Variants in STRC observed in about 807,000 individuals in gnomAD.
STRC encodes stereocilin.
Under a neutral mutation model 103.5 loss-of-function variants are expected in STRC, and 43 were observed. The ratio of observed to expected loss-of-function variants is 0.42; its 90% confidence interval spans 0.33 to 0.54. The LOEUF (loss-of-function observed/expected upper bound fraction) is 0.54. STRC is among the 20% of genes least tolerant of loss of function. The pLI is 0.14. For synonymous variants in STRC, 186 were observed against 442.3 expected (o/e 0.42, Z 7.27); for missense variants, 499 against 1,088.5 (o/e 0.46, Z 7.62).
At chr15:43,604,573 C>A in intron 20 of STRC, 77 bp downstream of exon 20, 2 of 1,612,062 alleles carry the variant, frequency 1.2e-6, no homozygotes, top group South Asian at 2.2e-5. Context: ...GAATATGGAA[C>A]AGGCTGCCAC....
At position 43,601,923 on chromosome 15, in the gene STRC, C is replaced by T. The variant is rs552629533; in HGVS notation, c.4546-372G>A. 4.0e-5 allele frequency among the ~76,000 whole-genome samples: 6 copies of T among 151,520 alleles called. No individual in the cohort carries two copies. In the East Asian group the frequency reaches 9.8e-4, roughly 25 times the overall value. On this transcript the variant is annotated intron_variant, in intron 23 of 28. Transcript: ENST00000450892. The stretch of plus-strand genomic sequence containing the variant: ...TTGCTTGAGCCCAGAAGTTCGAGAC[C>T]ATCCTGGGCAACATAGTGAAACCCC...
chr15:43,603,646 A>C, intron 22 of STRC: 1 of 638,692 alleles, frequency 1.6e-6, no homozygotes, highest in East Asian at 2.9e-5. Flanking sequence ...TCAGAGATTT[A>C]ATGGTAGCAC....
In STRC at chr15:43,604,652, A is replaced by G. The variant is rs763895934; in HGVS notation, c.4125T>C (p.Leu1375=). ...CTGAAGTTCTCGAAGGTCCATACCC[A>G]AGAACAGACTCCTGCAATAGCAGCC... ...LGWLLLQESV[L]GKPELWSQDE... The change falls in exon 20 of 29, where the codon CTT becomes CTC. Residue 1375 remains leucine (L), a splice_region_variant and synonymous_variant. Coordinates refer to ENST00000450892, the MANE Select transcript of STRC (RefSeq NM_153700.2). 1.9e-6 allele frequency: 3 copies of G among 1,613,628 alleles called. No individual in the cohort carries two copies. In the Admixed American group the frequency reaches 5.0e-5, roughly 27 times the overall value.
chr15:43,601,448 TC>T lies in STRC; in HGVS notation c.4648del (p.Asp1550ThrfsTer5). The T allele has an allele frequency of 6.2e-7, 1 of 1,613,762 alleles. No individual in the cohort carries two copies. Among genetic ancestry groups the T allele is most frequent in the Non-Finnish European group, 8.5e-7 (1 of 1,179,848 alleles). ...DRELQELILVDWGVLSTLGQI... is the reference protein window; with the variant it reads ...DRELQELILVXWGVLSTLGQI... ...CCCCAGGGTGCTCAGCACTCCCCAG[TC>T]CACTAGGATCAGCTCCTGTAGTTCC... On this transcript the variant is annotated frameshift_variant, in exon 24 of 29. Coordinates refer to ENST00000450892, the MANE Select transcript of STRC (RefSeq NM_153700.2). LOFTEE classifies it high-confidence loss of function.
chr15:43,604,128 C>T lies in STRC; in HGVS notation c.4243G>A (p.Glu1415Lys). 6.2e-7 allele frequency: 1 copy of T among 1,610,984 alleles called. No individual in the cohort carries two copies. Among genetic ancestry groups the T allele is most frequent in the Non-Finnish European group, 8.5e-7 (1 of 1,178,800 alleles). Reference sequence around the variant, plus strand: ...CTCTGCTGCTTTTCTAGAAGCCGCTCCAGGGTCTCTGGACCCAAGGCCTCC... The same window carrying T: ...CTCTGCTGCTTTTCTAGAAGCCGCTTCAGGGTCTCTGGACCCAAGGCCTCC... ...PREALGPETL[E>K]RLLEKQQSWE... Residue 1415 changes from glutamate (E) to lysine (K), a missense_variant, in exon 22 of 29, where the codon GAG becomes AAG. Physicochemically the swap from Glu to Lys is moderately conservative, Grantham distance 56 (BLOSUM62 1). Transcript: ENST00000450892.
At chr15:43,603,961 T>A (rs2085693019) in intron 22 of STRC, 35 bp downstream of exon 22, 2 of 1,612,100 alleles carry the variant, frequency 1.2e-6, no homozygotes, top group South Asian at 1.1e-5. Flanking sequence ...TCCCTGTACA[T>A]CCTGCTGGAC....
rs1775275591 is a variant in STRC at position 43,608,060 on chromosome 15, G to T, written c.3681+20C>A. ...TCCCAGCCTCCCTGCTCCCACTAAA[G>T]TCCAGGCACCCCCTCTCACCAGGCT... On this transcript the variant is annotated intron_variant, in intron 17 of 28. Transcript: ENST00000450892. 1.2e-6 allele frequency: 2 copies of T among 1,610,734 alleles called. No individual in the cohort carries two copies. Among genetic ancestry groups the T allele is most frequent in the African/African-American group, 1.4e-5 (1 of 72,782 alleles).
At chr15:43,604,272 T>C in intron 21 of STRC, 89 bp downstream of exon 21, 1 of 1,595,962 alleles carries the variant, frequency 6.3e-7, no homozygotes, top group Non-Finnish European at 8.6e-7. Flanking sequence ...AGGCTTCATA[T>C]CCTTTGCCCT....
At chr15:43,606,961 C>A (rs2085714321) in intron 18 of STRC, among the ~76,000 whole-genome samples, 1 of 120,492 alleles carries the variant, frequency 8.3e-6, no homozygotes, top group African/African-American at 3.2e-5. Context: ...GATCACGTCA[C>A]TGCACTCCAG....
chr15:43,601,579 T>C (rs1379391767), intron 23 of STRC, 28 bp from the exon 24 acceptor site: 15 of 1,612,544 alleles, frequency 9.3e-6, no homozygotes, highest in Non-Finnish European at 1.3e-5. Context: ...ACAATGTGAG[T>C]GGAAAAGCAG....
intron 19 of STRC, 63 bp downstream of exon 19, chr15:43,605,201 A>C: frequency 1.3e-6 from 2 of 1,573,472 alleles, no homozygotes; most frequent in Non-Finnish European, 1.7e-6. Flanking sequence ...GTCAGAGAGC[A>C]TTGTCTGAGG....
At position 43,604,687 on chromosome 15, in the gene STRC, C is replaced by G; in HGVS notation, c.4090G>C (p.Glu1364Gln). 6.2e-7 allele frequency: 1 copy of G among 1,613,622 alleles called. No homozygotes were observed. Among genetic ancestry groups the G allele is most frequent in the Admixed American group, 1.7e-5 (1 of 60,006 alleles). ...GFCLGETFATELGWLLLQESV... is the reference protein window; with the variant it reads ...GFCLGETFATQLGWLLLQESV... ...TCCTGCAATAGCAGCCATCCCAGCTCTGTGGCAAATGTCTCTCCTAGGCAG... is the reference window on the plus strand; with the variant it reads ...TCCTGCAATAGCAGCCATCCCAGCTGTGTGGCAAATGTCTCTCCTAGGCAG... The change falls in exon 20 of 29, where the codon GAG becomes CAG. Residue 1364 changes from glutamate (E) to glutamine (Q), a missense_variant. Glu to Gln is a conservative substitution (Grantham distance 29, BLOSUM62 2). Transcript: ENST00000450892.
rs780410507 is a variant in STRC, at chr15:43,604,682, C to T, written c.4095G>A (p.Leu1365=). 2.5e-6 allele frequency: 4 copies of T among 1,613,500 alleles called. No individual in the cohort carries two copies. The African/African-American group carries it at 4.0e-5, about 16-fold the overall frequency. The change falls in exon 20 of 29, where the codon CTG becomes CTA. Residue 1365 remains leucine, a synonymous_variant. Transcript: ENST00000450892. The part of the protein sequence containing the change: ...FCLGETFATE[L]GWLLLQESVL... ...CAGACTCCTGCAATAGCAGCCATCC[C>T]AGCTCTGTGGCAAATGTCTCTCCTA...
At chr15:43,601,968 A>G (rs1443140385) in intron 23 of STRC, among the ~76,000 whole-genome samples, 1 of 151,340 alleles carries the variant, frequency 6.6e-6, no homozygotes. Context: ...AAAGATACAA[A>G]AATTAGCCAG....
At chr15:43,606,586 C>A in intron 18 of STRC, among the ~76,000 whole-genome samples, 1 of 147,158 alleles carries the variant, frequency 6.8e-6, no homozygotes, top group East Asian at 2.0e-4. Context: ...GGTGACAGAG[C>A]GAGACTCTGT....
At chr15:43,608,504 T>A (rs920302597) in intron 16 of STRC, among the ~76,000 whole-genome samples, 5 of 140,776 alleles carry the variant, frequency 3.6e-5, no homozygotes, top group Non-Finnish European at 7.8e-5. Context: ...GGCGGGTGGA[T>A]CACCTGAGGT....
intron 22 of STRC, 74 bp from the exon 23 acceptor site, chr15:43,603,485 T>A: frequency 6.7e-7 from 1 of 1,496,750 alleles, no homozygotes; most frequent in Non-Finnish European, 9.2e-7. Flanking sequence ...GTAGATAGAG[T>A]GAGTCTTCCA....
chr15:43,603,326 G>C lies in STRC; in HGVS notation c.4461C>G (p.Asp1487Glu). Residue 1487 changes from aspartate (D) to glutamate (E), a missense_variant, in exon 23 of 29, where the codon GAC becomes GAG. Asp to Glu is a conservative substitution (Grantham distance 45, BLOSUM62 2). Coordinates refer to ENST00000450892, the MANE Select transcript of STRC (RefSeq NM_153700.2). ...ATQIAEMELS[D>E]FEDCLTLFAG... ...CAAATAATGTCAGGCAGTCCTCAAA[G>C]TCTGAGAGCTCCATCTCTGCAATCT... 6.2e-7 allele frequency: 1 copy of C among 1,613,874 alleles called. No homozygotes were observed. Among genetic ancestry groups the C allele is most frequent in the Non-Finnish European group, 8.5e-7 (1 of 1,179,896 alleles).
intron 26 of STRC, 61 bp downstream of exon 26, chr15:43,600,473 C>G (rs1220051970): frequency 6.2e-7 from 1 of 1,600,574 alleles, no homozygotes; most frequent in African/African-American, 1.3e-5. Flanking sequence ...AGTCTTCCAT[C>G]CAGTCCACCC....
Sources: gnomAD v4.1 joint callset for allele counts (sites outside exome capture counted in the v4.1 genomes callset) on GRCh38, gnomAD v4.1.1 for gene constraint, MANE v1.5 for transcripts, NCBI Gene and HGNC (gene_info 2026-07-23, HGNC 2026-07-21) for gene names.